The following CLIP3 variants were observed in gnomAD, a reference collection of about 807,000 sequenced individuals.
The protein encoded by CLIP3 is CAP-Gly domain containing linker protein 3, also known as CAP-Gly domain-containing linker protein 3.
A neutral mutation model predicts 59.4 loss-of-function variants in CLIP3; 15 were observed. The ratio of observed to expected loss-of-function variants is 0.25; its 90% CI spans 0.17 to 0.39. The LOEUF is 0.39. CLIP3 is among the 10% of genes least tolerant of loss of function. The pLI, the probability that CLIP3 is intolerant of heterozygous loss-of-function variation, is 1.00. For synonymous variants in CLIP3, 300 were observed against 321.6 expected, an observed-to-expected ratio of 0.93 and a Z score of 0.72; for missense variants, 495 against 765.7, an observed-to-expected ratio of 0.65 and a Z score of 4.17.
rs922149198 is a variant in CLIP3, at chr19:36,016,591, G to T, written c.1589+316C>A. 6.6e-6 allele frequency among the ~76,000 whole-genome samples: 1 copy of T among 152,152 alleles called. No individual in the cohort carries two copies. Among genetic ancestry groups the T allele is most frequent in the Admixed American group, 6.6e-5 (1 of 15,266 alleles). On this transcript the variant is annotated intron_variant, in intron 13 of 13. Transcript: ENST00000360535. This position sits in a 1 kb window ranked among gnomAD's most constrained non-coding sequence, Gnocchi z 4.1. ...TTGAACTCCTGACCTCAGGTGATCC[G>T]CCTGCCTTGGCCTCCCAAAGTGCTG...
chr19:36,017,506 T>C (rs1968830286), intron 11 of CLIP3, 56 bp from the exon 12 acceptor site: 1 of 1,607,590 alleles, frequency 6.2e-7, no homozygotes, highest in South Asian at 1.1e-5. Flanking sequence ...AGGGTCTGAC[T>C]GAGAGCTGGG....
At position 36,026,785 on chromosome 19, in the gene CLIP3, C is replaced by T. The variant is rs1042329629; in HGVS notation, c.401-38G>A. On this transcript the variant is annotated intron_variant, in intron 4 of 13. Transcript: ENST00000360535. The surrounding 1 kb of genome is among the most constrained non-coding windows in gnomAD (Gnocchi z 6.3). ...CCGGGTCAGCTTGGAACCCCCATTCCAGAGCATGGGCCCAGTGCACGGGGA... is the reference window on the plus strand; with the variant it reads ...CCGGGTCAGCTTGGAACCCCCATTCTAGAGCATGGGCCCAGTGCACGGGGA... The T allele has an allele frequency of 6.3e-7, 1 of 1,581,732 alleles. No homozygotes were observed. Among genetic ancestry groups the T allele is most frequent in the South Asian group, 1.1e-5 (1 of 88,870 alleles).
At position 36,017,984 on chromosome 19, in the gene CLIP3, C is replaced by T. The variant is rs774823343; in HGVS notation, c.1191G>A (p.Lys397=). The part of the protein sequence containing the change: ...GKGRREHKGK[K]KTPSSPSLGS... ...CCAGAGATGGGGATGATGGGGTCTT[C>T]TTCTTGCCTAAGGGTAGAAGGTGTA... The change falls in exon 10 of 14, where the codon AAG becomes AAA. Residue 397 remains lysine, a synonymous_variant. Transcript: ENST00000360535. 28 of 1,613,838 alleles carry T rather than the reference C, an allele frequency of 1.7e-5. 1 individual carries two copies. The South Asian group carries it at 2.1e-4, about 12-fold the overall frequency.
intron 9 of CLIP3, 146 bp downstream of exon 9, chr19:36,018,752 G>A: frequency 1.8e-6 from 2 of 1,126,702 alleles, no homozygotes; most frequent in South Asian, 1.5e-5. Context: ...AGCCAAAGGG[G>A]AAACTGAGTC....
Position 36,014,785 on chromosome 19 carries a change from CT to C in CLIP3, c.*1372del. 6.3e-6 allele frequency: 1 copy of C among 159,030 alleles called. No homozygotes were observed. The highest frequency in any genetic ancestry group is 1.5e-4 in the South Asian group (1 of 6,576). The allele number at this position is 159,030 out of a possible 1,614,324, so 9.9% of individuals were successfully genotyped here. On this transcript the variant is annotated 3_prime_UTR_variant, in exon 14 of 14. Coordinates refer to ENST00000360535, the MANE Select transcript of CLIP3 (RefSeq NM_015526.3). ...CAGGTCCGCCCTGGACCCCCTGGGC[CT>C]TCAGGTTCTCCCTCGAGCTGTTGGT...
At chr19:36,027,332 T>C (rs1969141412) in intron 2 of CLIP3, 61 bp from the exon 3 acceptor site, 2 of 1,526,710 alleles carry the variant, frequency 1.3e-6, no homozygotes, top group Non-Finnish European at 1.8e-6. Context: ...CCAGCCTCAG[T>C]AGGGGAGCTG....
chr19:36,030,872 T>C (rs1466233800), intron 2 of CLIP3, among the ~76,000 whole-genome samples: 1 of 152,126 alleles, frequency 6.6e-6, no homozygotes, highest in Non-Finnish European at 1.5e-5. Flanking sequence ...GGCTGATTCC[T>C]CCCCATGCTC....
Position 36,032,586 on chromosome 19 carries a change from C to G in CLIP3, c.-59+138G>C, listed in dbSNP as rs888469018. Reference sequence around the variant, plus strand: ...GTGCGCCCAGCGCCTGCCACCTCCCCCAGGCCCAGCCCCCCATTCTTCTCC... The same window carrying G: ...GTGCGCCCAGCGCCTGCCACCTCCCGCAGGCCCAGCCCCCCATTCTTCTCC... On this transcript the variant is annotated intron_variant, in intron 1 of 13. Coordinates refer to ENST00000360535, the MANE Select transcript of CLIP3 (RefSeq NM_015526.3). This position sits in a 1 kb window ranked among gnomAD's most constrained non-coding sequence, Gnocchi z 4.3. The G allele has an allele frequency of 2.7e-6, 1 of 366,334 alleles. No individual in the cohort carries two copies. The highest frequency in any genetic ancestry group is 4.9e-6 in the Non-Finnish European group (1 of 205,862). The allele number at this position is 366,334 out of a possible 1,614,324, so 22.7% of individuals were successfully genotyped here.
intron 7 of CLIP3, among the ~76,000 whole-genome samples, chr19:36,023,321 G>A (rs1471664519): frequency 6.6e-6 from 1 of 152,038 alleles, no homozygotes; most frequent in African/African-American, 2.4e-5. Flanking sequence ...CCACCTCACC[G>A]CCCTTCCCAT....
chr19:36,027,436 A>T (rs1969144019), intron 2 of CLIP3, among the ~76,000 whole-genome samples, 165 bp from the exon 3 acceptor site: 1 of 152,200 alleles, frequency 6.6e-6, no homozygotes, highest in African/African-American at 2.4e-5. Context: ...TGTGGCCAGC[A>T]TGAGGTTTCA....
At chr19:36,018,735 A>G (rs1235474048) in intron 9 of CLIP3, among the ~76,000 whole-genome samples, 163 bp downstream of exon 9, 1 of 152,202 alleles carries the variant, frequency 6.6e-6, no homozygotes, top group Non-Finnish European at 1.5e-5. Context: ...AGGGGGTGCC[A>G]GTACTGAGCC....
rs1317281280 is a variant in CLIP3 at position 36,017,841 on chromosome 19, T to A, written c.1327+7A>T. On this transcript the variant is annotated splice_region_variant and intron_variant, in intron 10 of 13. Coordinates refer to ENST00000360535, the MANE Select transcript of CLIP3 (RefSeq NM_015526.3). Reference sequence around the variant, plus strand: ...CCTGCCTCCCGGCCCAGAGTCCCCATCCTCACCTGGGGCAAAGTCTGTCTT... The same window carrying A: ...CCTGCCTCCCGGCCCAGAGTCCCCAACCTCACCTGGGGCAAAGTCTGTCTT... The A allele has an allele frequency of 4.3e-6, 7 of 1,613,924 alleles. No homozygotes were observed. The Admixed American group carries it at 1.2e-4, about 27-fold the overall frequency.
intron 7 of CLIP3, among the ~76,000 whole-genome samples, chr19:36,020,468 A>T (rs919253362): frequency 2.0e-5 from 3 of 148,836 alleles, no homozygotes; most frequent in African/African-American, 7.7e-5. Context: ...ACCAGGCATG[A>T]TGGTGCACGC....
intron 2 of CLIP3, among the ~76,000 whole-genome samples, chr19:36,029,451 ATT>A (rs750154353): frequency 7.0e-6 from 1 of 142,508 alleles, no homozygotes. Flanking sequence ...ATGCCCAGCA[ATT>A]TTTTTTTTTT....
chr19:36,022,057 T>G (rs942055570), intron 7 of CLIP3, among the ~76,000 whole-genome samples: 5 of 151,960 alleles, frequency 3.3e-5, no homozygotes, highest in South Asian at 2.1e-4. Flanking sequence ...TTTTTGTATT[T>G]TTTTTGTAGA....
In CLIP3 at chr19:36,016,877, T is replaced by C. The variant is rs967076451; in HGVS notation, c.1589+30A>G. 2 of 1,603,912 alleles carry C rather than the reference T, an allele frequency of 1.2e-6. No homozygotes were observed. The highest frequency in any genetic ancestry group is 2.7e-5 in the African/African-American group (2 of 74,712). ...TGGATCCCTCTCCCTGAATGTCACA[T>C]AGGAGAGGGGACAGGGGTTGGCCAC... On this transcript the variant is annotated intron_variant, in intron 13 of 13. Transcript: ENST00000360535. The surrounding 1 kb of genome is among the most constrained non-coding windows in gnomAD (Gnocchi z 4.1).
rs1210226668 is a variant in CLIP3, at chr19:36,032,478, C to T, written c.-58-63G>A. The T allele has an allele frequency of 2.5e-5, 11 of 437,032 alleles. No individual in the cohort carries two copies. The highest frequency in any genetic ancestry group is 4.2e-5 in the Non-Finnish European group (11 of 260,682). 27.1% of individuals were successfully genotyped at this position (437,032 alleles called of 1,614,324 possible). ...GCTCCAGGGTCCAAGCCCCTAGGAGCTTCCAGGGCCCCGGGTGGCCTCCGC... is the reference window on the plus strand; with the variant it reads ...GCTCCAGGGTCCAAGCCCCTAGGAGTTTCCAGGGCCCCGGGTGGCCTCCGC... On this transcript the variant is annotated intron_variant, in intron 1 of 13. Transcript: ENST00000360535. This position sits in a 1 kb window ranked among gnomAD's most constrained non-coding sequence, Gnocchi z 4.3.
At position 36,015,486 on chromosome 19, in the gene CLIP3, C is replaced by T. The variant is rs1221956196; in HGVS notation, c.*672G>A. 6.5e-6 allele frequency: 1 copy of T among 153,218 alleles called. No individual in the cohort carries two copies. Among genetic ancestry groups the T allele is most frequent in the South Asian group, 2.1e-4 (1 of 4,856 alleles). The allele number at this position is 153,218 out of a possible 1,614,324, so 9.5% of individuals were successfully genotyped here. A position where few individuals can be genotyped will look rare whatever the true frequency, so the allele number is the denominator to read the frequency against. The stretch of plus-strand genomic sequence containing the variant: ...CTTGAGGGTGCAGAGGGTAGGAAGA[C>T]TTGGGGGGTCCTGTAATTAGCACTT... On this transcript the variant is annotated 3_prime_UTR_variant, in exon 14 of 14. Transcript: ENST00000360535.
chr19:36,016,206 C>T lies in CLIP3; in HGVS notation c.1596G>A (p.Leu532=), dbSNP rs970355183. 4 of 1,613,970 alleles carry T rather than the reference C, an allele frequency of 2.5e-6. No individual in the cohort carries two copies. Among genetic ancestry groups the T allele is most frequent in the African/African-American group, 1.3e-5 (1 of 74,902 alleles). Reference sequence around the variant, plus strand: ...GCATCCAGGGGAACCAGCAGCAGAACAGCAACCTGGAAAGGAGGATGACAG... The same window carrying T: ...GCATCCAGGGGAACCAGCAGCAGAATAGCAACCTGGAAAGGAGGATGACAG... ...IASENSISRL[L]FCCWFPWMLR... The change falls in exon 14 of 14, where the codon CTG becomes CTA. Residue 532 remains leucine (L), a synonymous_variant. Transcript: ENST00000360535. This position sits in a 1 kb window ranked among gnomAD's most constrained non-coding sequence, Gnocchi z 4.1.
Sources: allele counts gnomAD v4.1 joint callset (sites outside exome capture counted in the v4.1 genomes callset), GRCh38; gene constraint gnomAD v4.1.1; non-coding constraint Gnocchi (gnomAD v3.1); transcripts MANE v1.5; gene names NCBI Gene and HGNC (gene_info 2026-07-23, HGNC 2026-07-21).